PALLD: variants seen among roughly 807,000 people sequenced by gnomAD.
The protein encoded by PALLD is palladin.
A neutral mutation model predicts 123.5 loss-of-function variants in PALLD; 61 were observed. That is an observed-to-expected ratio of 0.49 (90% confidence interval 0.40 to 0.61). The LOEUF is 0.61. Among genes scored for constraint, PALLD ranks in the 20% least tolerant of loss-of-function variants. The pLI is 0.00. For missense variants in PALLD, 1,273 were observed against 1,377.0 expected, an observed-to-expected ratio of 0.92 and a Z score of 1.20; for synonymous variants, 465 against 496.4, an observed-to-expected ratio of 0.94 and a Z score of 0.84.
At chr4:168,724,070 T>C (rs1786300124) in intron 10 of PALLD, among the ~76,000 whole-genome samples, 1 of 152,106 alleles carries the variant, frequency 6.6e-6, no homozygotes, top group Non-Finnish European at 1.5e-5. Flanking sequence ...TTTTTTTGTA[T>C]TTCTAGTAGA....
intron 10 of PALLD, among the ~76,000 whole-genome samples, chr4:168,736,146 G>A (rs6817829): frequency 0.1 from 15,511 of 152,186 alleles, 2,070 homozygotes; most frequent in East Asian, 0.32. Context: ...ATTCGTTGCC[G>A]CAATTTTGCT....
In PALLD at chr4:168,774,678, A is replaced by G. The variant is rs887215775; in HGVS notation, c.1964+62755A>G. ...GGGAGGTGGAGGTTGCAGTGAGCCG[A>G]GATCATGCCACTGCACTCCAGCCTG... On this transcript the variant is annotated intron_variant, in intron 10 of 21. Coordinates refer to ENST00000505667, the MANE Select transcript of PALLD (RefSeq NM_001166108.2). Among the ~76,000 whole-genome samples the G allele has an allele frequency of 2.1e-5, 3 of 140,896 alleles. No individual in the cohort carries two copies. In the South Asian group the frequency reaches 7.1e-4, roughly 33 times the overall value. The allele number at this position is 140,896 out of a possible 152,430, so 92.4% of individuals were successfully genotyped here.
intron 2 of PALLD, among the ~76,000 whole-genome samples, chr4:168,615,988 T>A (rs901398238): frequency 6.6e-6 from 1 of 152,196 alleles, no homozygotes; most frequent in Non-Finnish European, 1.5e-5. Flanking sequence ...GTTCCCATTT[T>A]TTTCTTTTTC....
In PALLD at chr4:168,878,032, G is replaced by A. The variant is rs1252109828; in HGVS notation, c.1965-12890G>A. The stretch of plus-strand genomic sequence containing the variant: ...GCACGCCGGCCTCCAGCCCCAGCTC[G>A]TCCAGCCTCCCGTCGCCCATGTCCC... On this transcript the variant is annotated intron_variant, in intron 10 of 21. Coordinates refer to ENST00000505667, the MANE Select transcript of PALLD (RefSeq NM_001166108.2). The A allele has an allele frequency of 6.7e-6, 10 of 1,489,346 alleles. No individual in the cohort carries two copies. The highest frequency in any genetic ancestry group is 1.8e-4 in the Middle Eastern group (1 of 5,442). 92.3% of individuals were successfully genotyped at this position (1,489,346 alleles called of 1,614,324 possible).
chr4:168,564,450 T>G (rs1768173261), intron 2 of PALLD, among the ~76,000 whole-genome samples: 3 of 152,260 alleles, frequency 2.0e-5, no homozygotes, highest in African/African-American at 7.2e-5. Context: ...GACATAACAC[T>G]GTTAGGCACA....
chr4:168,885,443 T>G (rs1753201175), intron 10 of PALLD: 1 of 152,224 alleles, frequency 6.6e-6, no homozygotes, highest in South Asian at 2.1e-4. Context: ...CACAAAGTCA[T>G]GAAGTACTCT....
intron 10 of PALLD, among the ~76,000 whole-genome samples, chr4:168,746,219 G>T (rs1366062558): frequency 6.6e-6 from 1 of 151,428 alleles, no homozygotes; most frequent in East Asian, 1.9e-4. Context: ...TGGATAATCA[G>T]CTTACCCTAA....
At chr4:168,735,126 C>T (rs938729914) in intron 10 of PALLD, among the ~76,000 whole-genome samples, 5 of 152,124 alleles carry the variant, frequency 3.3e-5, no homozygotes, top group African/African-American at 4.8e-5. Flanking sequence ...ATATTTGATT[C>T]TGTTTGCCCC....
At chr4:168,813,410 GAACAACAAC>G (rs1308889993) in intron 10 of PALLD, among the ~76,000 whole-genome samples, 2 of 152,058 alleles carry the variant, frequency 1.3e-5, no homozygotes, top group African/African-American at 4.8e-5. Context: ...GGCAGTTACA[GAACAACAAC>G]AACAACAACA....
chr4:168,882,649 T>C (rs1353246251), intron 10 of PALLD, among the ~76,000 whole-genome samples: 2 of 152,002 alleles, frequency 1.3e-5, no homozygotes, highest in East Asian at 3.9e-4. Flanking sequence ...GGGTTGGAGG[T>C]GTTATTACTG....
At position 168,822,467 on chromosome 4, in the gene PALLD, A is replaced by T. The variant is rs1305632010; in HGVS notation, c.1965-68455A>T. On this transcript the variant is annotated intron_variant, in intron 10 of 21. Coordinates refer to ENST00000505667, the MANE Select transcript of PALLD (RefSeq NM_001166108.2). ...GTGTAAAGGAGAGACTGGGTGACCC[A>T]GGGAAGTGTCCGGAGCTGAATGAGA... Among the ~76,000 whole-genome samples, 3 of 152,336 alleles carry T rather than the reference A, an allele frequency of 2.0e-5. No individual in the cohort carries two copies. In the South Asian group the frequency reaches 6.2e-4, roughly 32 times the overall value.
chr4:168,513,513 T>C (rs1181935469), intron 2 of PALLD, among the ~76,000 whole-genome samples: 1 of 152,182 alleles, frequency 6.6e-6, no homozygotes, highest in East Asian at 1.9e-4. Context: ...CCCAAGTTAC[T>C]CTACCCCTCT....
chr4:168,554,345 TTC>T (rs1438686893), intron 2 of PALLD, among the ~76,000 whole-genome samples: 1 of 152,210 alleles, frequency 6.6e-6, no homozygotes, highest in African/African-American at 2.4e-5. Context: ...CTTATTGAGT[TTC>T]TCTCTTACTC....
At chr4:168,803,280 G>GGA (rs750430272) in intron 10 of PALLD, among the ~76,000 whole-genome samples, 37 of 151,832 alleles carry the variant, frequency 2.4e-4, no homozygotes, top group Middle Eastern at 3.4e-3. Flanking sequence ...TGGTGGAGTT[G>GGA]GAGAGAGAGA....
intron 10 of PALLD, among the ~76,000 whole-genome samples, chr4:168,810,210 G>A (rs1360663575): frequency 6.6e-6 from 1 of 152,124 alleles, no homozygotes; most frequent in African/African-American, 2.4e-5. Context: ...AATGGGAAAA[G>A]AGCATATATA....
intron 10 of PALLD, among the ~76,000 whole-genome samples, chr4:168,749,143 ACT>A (rs1050213553): frequency 6.6e-6 from 1 of 150,720 alleles, no homozygotes. Flanking sequence ...CTTCCCTGCC[ACT>A]CTCTCTCTCT....
In PALLD at chr4:168,775,239, A is replaced by T. The variant is rs559423211; in HGVS notation, c.1964+63316A>T. On this transcript the variant is annotated intron_variant, in intron 10 of 21. Coordinates refer to ENST00000505667, the MANE Select transcript of PALLD (RefSeq NM_001166108.2). Reference sequence around the variant, plus strand: ...GTTTTTCTTAATTTTAGCCACTTTAACAGGTGTGTAGTAGAATTTCATCGT... The same window carrying T: ...GTTTTTCTTAATTTTAGCCACTTTATCAGGTGTGTAGTAGAATTTCATCGT... Among the ~76,000 whole-genome samples the T allele has an allele frequency of 2.6e-5, 4 of 152,252 alleles. No homozygotes were observed. In the South Asian group the frequency reaches 8.3e-4, roughly 32 times the overall value.
intron 2 of PALLD, among the ~76,000 whole-genome samples, chr4:168,644,097 T>C (rs544894700): frequency 5.9e-5 from 9 of 151,910 alleles, no homozygotes; most frequent in Admixed American, 5.2e-4. Flanking sequence ...ATATCTTTTT[T>C]TTTTTTTTTT....
At chr4:168,548,307 A>G (rs750665118) in intron 2 of PALLD, among the ~76,000 whole-genome samples, 1 of 150,348 alleles carries the variant, frequency 6.7e-6, no homozygotes, top group Non-Finnish European at 1.5e-5. Context: ...TTTTTTTCAG[A>G]TGAAAAAAGG....
Sources: allele counts gnomAD v4.1 joint callset (sites outside exome capture counted in the v4.1 genomes callset), GRCh38; gene constraint gnomAD v4.1.1; transcripts MANE v1.5; gene names NCBI Gene and HGNC (gene_info 2026-07-23, HGNC 2026-07-21).